The following SHLD2 variants were observed in gnomAD, a reference collection of about 807,000 sequenced individuals.
SHLD2 encodes RINN1-REV7-interacting novel NHEJ regulator 2.
In SHLD2, 30 loss-of-function variants were observed where a neutral mutation model predicts 73.2. The ratio of observed to expected loss-of-function variants is 0.41; its 90% CI spans 0.31 to 0.56. The LOEUF is 0.56. SHLD2 is among the 20% of genes least tolerant of loss of function. SHLD2 has a pLI of 0.28. For missense variants in SHLD2, 745 were observed against 1,055.9 expected (o/e 0.71, Z 4.08); for synonymous variants, 285 against 370.1 (o/e 0.77, Z 2.64).
At chr10:87,116,885 C>T (rs1230798281) in intron 2 of SHLD2, among the ~76,000 whole-genome samples, 4 of 152,020 alleles carry the variant, frequency 2.6e-5, no homozygotes, top group East Asian at 1.9e-4. Context: ...ATTTCAGTAG[C>T]GAGAGTGTTT....
rs1345010063 is a variant in SHLD2 at position 87,170,518 on chromosome 10, G to A, written c.1674G>A (p.Leu558=). ...VVSEVVLQDL[L]AYVSSKHSYL... ...GTGAAGTTGTACTTCAAGACTTACT[G>A]GCATATGTGTCCTCAAAACATTCCT... The change falls in exon 5 of 10, where the codon CTG becomes CTA. Residue 558 remains leucine, a synonymous_variant. Transcript: ENST00000298786. 6.2e-7 allele frequency: 1 copy of A among 1,610,402 alleles called. No homozygotes were observed. Among genetic ancestry groups the A allele is most frequent in the African/African-American group, 1.3e-5 (1 of 74,714 alleles).
intron 2 of SHLD2, among the ~76,000 whole-genome samples, chr10:87,144,695 T>C (rs936257413): frequency 6.9e-6 from 1 of 144,220 alleles, no homozygotes; most frequent in Non-Finnish European, 1.5e-5. Context: ...GGCGCAATCT[T>C]GGCTCACTGC....
intron 2 of SHLD2, among the ~76,000 whole-genome samples, chr10:87,119,277 G>A (rs1224121949): frequency 6.6e-6 from 1 of 151,986 alleles, no homozygotes; most frequent in African/African-American, 2.4e-5. Flanking sequence ...CTATTTATTG[G>A]CTCACTTATT....
At chr10:87,129,461 A>AT (rs200875116) in intron 2 of SHLD2, among the ~76,000 whole-genome samples, 27 of 151,582 alleles carry the variant, frequency 1.8e-4, no homozygotes, top group Admixed American at 1.3e-3. Context: ...TATTTCACTG[A>AT]TTTTTTTTCC....
intron 2 of SHLD2, among the ~76,000 whole-genome samples, chr10:87,140,536 A>G (rs1359069350): frequency 6.6e-6 from 1 of 152,080 alleles, no homozygotes. Context: ...ACAGGAGTTC[A>G]AGACCAGCTT....
At position 87,175,799 on chromosome 10, in the gene SHLD2, C is replaced by T. The variant is rs1297354369; in HGVS notation, c.1964-90C>T. The T allele has an allele frequency of 1.2e-5, 16 of 1,298,158 alleles. No individual in the cohort carries two copies. The African/African-American group carries it at 2.3e-4, about 18-fold the overall frequency. The allele number at this position is 1,298,158 out of a possible 1,614,324, so 80.4% of individuals were successfully genotyped here. A position where few individuals can be genotyped will look rare whatever the true frequency, so the allele number is the denominator to read the frequency against. ...TTTAGTGATAAAAGATTAGATTCAA[C>T]TGACTTAATCAGATCAATCTATTTA... is the stretch of plus-strand genomic sequence containing the variant. On this transcript the variant is annotated intron_variant, in intron 6 of 9. Transcript: ENST00000298786.
chr10:87,097,319 A>T (rs1280547466), intron 2 of SHLD2, among the ~76,000 whole-genome samples: 4 of 152,146 alleles, frequency 2.6e-5, no homozygotes, highest in Admixed American at 6.5e-5. Flanking sequence ...CCAGCACTTT[A>T]GGAGGCTAAA....
intron 2 of SHLD2, among the ~76,000 whole-genome samples, chr10:87,140,270 A>C (rs1239606216): frequency 6.6e-6 from 1 of 151,788 alleles, no homozygotes; most frequent in Non-Finnish European, 1.5e-5. Flanking sequence ...AAATACAAAA[A>C]TTAGCTGGGC....
chr10:87,144,644 T>TTTTTTG (rs58888006), intron 2 of SHLD2, among the ~76,000 whole-genome samples: 1 of 114,270 alleles, frequency 8.8e-6, no homozygotes, highest in African/African-American at 3.4e-5. Context: ...TTTTTTTTTT[T>TTTTTTG]GAGATGGTGT....
chr10:87,159,951 A>C (rs1846689140), intron 4 of SHLD2, among the ~76,000 whole-genome samples: 1 of 152,240 alleles, frequency 6.6e-6, no homozygotes, highest in Admixed American at 6.5e-5. Flanking sequence ...CAAATTTTAG[A>C]GTTATTAGCA....
chr10:87,189,611 A>G (rs1319219324), intron 9 of SHLD2, among the ~76,000 whole-genome samples: 18 of 152,192 alleles, frequency 1.2e-4, no homozygotes, highest in Admixed American at 1.2e-3. Flanking sequence ...TGTAGTCCCC[A>G]TCCAAGAAAG....
intron 9 of SHLD2, among the ~76,000 whole-genome samples, chr10:87,189,148 T>C (rs1254052844): frequency 6.6e-6 from 1 of 152,132 alleles, no homozygotes; most frequent in African/African-American, 2.4e-5. Flanking sequence ...ATTACAGGCA[T>C]GCGCCACCAT....
upstream of SHLD2, chr10:87,094,672 G>T: frequency 1.3e-6 from 2 of 1,551,378 alleles, no homozygotes; most frequent in Non-Finnish European, 1.7e-6. The surrounding 1 kb of genome is among the most constrained non-coding windows in gnomAD (Gnocchi z 6.6). Context: ...CTGTCCCCGG[G>T]CCCAGCCCAG....
chr10:87,119,777 CAA>C (rs35259056), intron 2 of SHLD2, among the ~76,000 whole-genome samples: 32,337 of 128,604 alleles, frequency 0.25, 4,143 homozygotes, highest in African/African-American at 0.4. Flanking sequence ...GACTCTGTCT[CAA>C]AAAAAAAAAA....
intron 7 of SHLD2, among the ~76,000 whole-genome samples, chr10:87,178,845 GAC>G (rs1296596718): frequency 6.6e-6 from 1 of 152,212 alleles, no homozygotes; most frequent in Non-Finnish European, 1.5e-5. Flanking sequence ...AGGGATATGT[GAC>G]ACAATTGGAA....
chr10:87,178,695 C>T (rs923220958), intron 7 of SHLD2, among the ~76,000 whole-genome samples: 2 of 151,614 alleles, frequency 1.3e-5, no homozygotes, highest in African/African-American at 4.9e-5. Flanking sequence ...CTAGCCTGGA[C>T]GACAGAGTGA....
At chr10:87,149,451 G>A (rs61858910) in intron 2 of SHLD2, among the ~76,000 whole-genome samples, 15,937 of 151,880 alleles carry the variant, frequency 0.1, 960 homozygotes, top group Admixed American at 0.15. Context: ...CGCCAGGCAC[G>A]GTGGCTCACA....
intron 1 of SHLD2, among the ~76,000 whole-genome samples, chr10:87,096,040 T>G (rs1841844946): frequency 6.6e-6 from 1 of 152,226 alleles, no homozygotes; most frequent in Non-Finnish European, 1.5e-5. Context: ...GATTTATTTT[T>G]TATTTTATTT....
intron 2 of SHLD2, among the ~76,000 whole-genome samples, chr10:87,145,604 G>A (rs1845548235): frequency 6.6e-6 from 1 of 151,448 alleles, no homozygotes; most frequent in Non-Finnish European, 1.5e-5. Flanking sequence ...TAATAAGAGG[G>A]GAAAAGCACT....
Sources: gnomAD v4.1 joint callset for allele counts (sites outside exome capture counted in the v4.1 genomes callset) on GRCh38, gnomAD v4.1.1 for gene constraint, Gnocchi (gnomAD v3.1) non-coding constraint, MANE v1.5 for transcripts, NCBI Gene and HGNC (gene_info 2026-07-23, HGNC 2026-07-21) for gene names.